The following ARHGEF3 variants were observed in gnomAD, a reference collection of about 807,000 sequenced individuals.
The protein encoded by ARHGEF3 is 59.8 kDA protein.
In ARHGEF3, 28 loss-of-function variants were observed where a neutral mutation model predicts 63.2. The observed-to-expected ratio is 0.44, with a 90% confidence interval of 0.33 to 0.61. The LOEUF (loss-of-function observed/expected upper bound fraction) is 0.61. Among genes scored for constraint, ARHGEF3 ranks in the 20% least tolerant of loss-of-function variants. The probability of loss-of-function intolerance (pLI) is 0.03; values close to 1 mark genes in which losing one functional copy is unlikely to be tolerated. For synonymous variants in ARHGEF3, 266 were observed against 254.2 expected, an observed-to-expected ratio of 1.05 and a Z score of -0.44; for missense variants, 533 against 659.3, an observed-to-expected ratio of 0.81 and a Z score of 2.10.
intron 2 of ARHGEF3, among the ~76,000 whole-genome samples, chr3:56,982,901 C>A (rs898707735): frequency 6.1e-4 from 93 of 152,134 alleles, no homozygotes; most frequent in African/African-American, 2.2e-3. Flanking sequence ...CTGACCGTCA[C>A]CCACCTGCCC....
chr3:56,774,923 C>T (rs991250274), intron 1 of ARHGEF3: 1 of 1,193,766 alleles, frequency 8.4e-7, no homozygotes, highest in Non-Finnish European at 1.1e-6. Flanking sequence ...ACAACAACAA[C>T]AACAAAAAAA....
intron 1 of ARHGEF3, among the ~76,000 whole-genome samples, chr3:56,798,703 G>A (rs760357506): frequency 6.6e-6 from 1 of 152,086 alleles, no homozygotes; most frequent in Non-Finnish European, 1.5e-5. Context: ...GTCCCTTTTG[G>A]CATGGGAAGT....
chr3:56,967,271 AATAATATTATATTATATATTATACAAATT>A (rs2106799589), intron 2 of ARHGEF3, among the ~76,000 whole-genome samples: 1 of 83,334 alleles, frequency 1.2e-5, no homozygotes, highest in South Asian at 4.0e-4. Flanking sequence ...ACTTATATAT[AATAATATTATATTATATATTATACAAATT>A]ATATATTATA....
chr3:56,787,293 GC>G (rs2036864496), intron 1 of ARHGEF3, among the ~76,000 whole-genome samples: 1 of 152,166 alleles, frequency 6.6e-6, no homozygotes, highest in African/African-American at 2.4e-5. Context: ...GCAGGACTGT[GC>G]AGAGGGCCAC....
At chr3:56,834,350 T>A (rs2039033502) in intron 4 of ARHGEF3, among the ~76,000 whole-genome samples, 1 of 152,150 alleles carries the variant, frequency 6.6e-6, no homozygotes, top group Non-Finnish European at 1.5e-5. Context: ...GTATCATTAT[T>A]GTAAAAGATG....
intron 2 of ARHGEF3, among the ~76,000 whole-genome samples, chr3:56,998,251 A>G (rs975782248): frequency 9.2e-5 from 14 of 152,194 alleles, no homozygotes; most frequent in African/African-American, 2.4e-5. Flanking sequence ...ACACAAAAAA[A>G]CTAACCAGGG....
At chr3:56,796,216 G>A (rs1470717138) in intron 1 of ARHGEF3, among the ~76,000 whole-genome samples, 2 of 152,116 alleles carry the variant, frequency 1.3e-5, no homozygotes, top group African/African-American at 4.8e-5. Context: ...GCAAAATTAG[G>A]TTGTGATCAG....
chr3:56,782,459 C>A (rs1379612365), intron 1 of ARHGEF3, among the ~76,000 whole-genome samples: 1 of 151,974 alleles, frequency 6.6e-6, no homozygotes, highest in African/African-American at 2.4e-5. Flanking sequence ...TCCCTGCTAT[C>A]TTTGTCTTGG....
At chr3:57,001,918 T>G (rs1169547766) in intron 2 of ARHGEF3, among the ~76,000 whole-genome samples, 2 of 61,080 alleles carry the variant, frequency 3.3e-5, no homozygotes, top group African/African-American at 1.3e-4. Flanking sequence ...TGAGATAGTT[T>G]TTTTTTTTTT....
chr3:56,952,718 T>C (rs935277352), intron 3 of ARHGEF3, among the ~76,000 whole-genome samples: 7 of 152,302 alleles, frequency 4.6e-5, no homozygotes, highest in African/African-American at 1.7e-4. Flanking sequence ...AATGAAGTTA[T>C]TGCTATTGTT....
In ARHGEF3 at chr3:56,822,106, T is replaced by A. The variant is rs564440670; in HGVS notation, c.193-48290A>T. Among the ~76,000 whole-genome samples the A allele has an allele frequency of 2.6e-5, 4 of 152,084 alleles. No individual in the cohort carries two copies. The South Asian group carries it at 8.3e-4, about 32-fold the overall frequency. The stretch of plus-strand genomic sequence containing the variant: ...GTAGTGTCATCTAAATAGTGATAAT[T>A]AGAAATAATAATAGACTAGCTACTA... On this transcript the variant is annotated intron_variant, in intron 4 of 12. Transcript: ENST00000338458.
chr3:56,849,554 A>C (rs2039602114), intron 4 of ARHGEF3, among the ~76,000 whole-genome samples: 1 of 152,158 alleles, frequency 6.6e-6, no homozygotes, highest in African/African-American at 2.4e-5. Flanking sequence ...CCACAGAGTA[A>C]AAGCTAAATG....
At chr3:56,782,745 T>A (rs1485408751) in intron 1 of ARHGEF3, among the ~76,000 whole-genome samples, 1 of 151,984 alleles carries the variant, frequency 6.6e-6, no homozygotes. Flanking sequence ...CCTGAGTTAG[T>A]TCAGTCTCAA....
intron 2 of ARHGEF3, among the ~76,000 whole-genome samples, chr3:57,026,270 G>A (rs1703470539): frequency 6.6e-6 from 1 of 152,078 alleles, no homozygotes; most frequent in Non-Finnish European, 1.5e-5. Flanking sequence ...GTGTGGTGGT[G>A]CAAGCCTGTA....
intron 3 of ARHGEF3, among the ~76,000 whole-genome samples, chr3:56,949,810 C>T (rs1024352700): frequency 6.6e-6 from 1 of 152,018 alleles, no homozygotes; most frequent in Non-Finnish European, 1.5e-5. Flanking sequence ...CAAAAAGGAG[C>T]CTGCATTGCC....
chr3:56,818,652 C>CA, intron 4 of ARHGEF3, among the ~76,000 whole-genome samples: 1 of 152,268 alleles, frequency 6.6e-6, no homozygotes, highest in East Asian at 1.9e-4. Flanking sequence ...GTCTCAAGAT[C>CA]AATTCTTTTT....
rs371468298 is a variant in ARHGEF3, at chr3:56,979,538, A to C, written c.63-20649T>G. ...CCACAGGCAGCCAGAGACAAGGCAC[A>C]GGCCCAGGAATAAAGCCGGGGTCTG... On this transcript the variant is annotated intron_variant, in intron 2 of 12. Transcript: ENST00000338458. Among the ~76,000 whole-genome samples the C allele has an allele frequency of 3.0e-4, 45 of 152,346 alleles. No homozygotes were observed. The Middle Eastern group carries it at 0.014, about 46-fold the overall frequency.
chr3:56,783,135 C>T (rs2036639117), intron 1 of ARHGEF3, among the ~76,000 whole-genome samples: 1 of 152,044 alleles, frequency 6.6e-6, no homozygotes, highest in African/African-American at 2.4e-5. Context: ...CCTCTGAAAC[C>T]ATGCTCAGAG....
chr3:56,814,153 T>C (rs1202704282), intron 4 of ARHGEF3, among the ~76,000 whole-genome samples: 1 of 152,242 alleles, frequency 6.6e-6, no homozygotes, highest in Non-Finnish European at 1.5e-5. Flanking sequence ...CAACACTCTG[T>C]CCTTCTTTCT....
Sources: gnomAD v4.1 joint callset for allele counts (sites outside exome capture counted in the v4.1 genomes callset) on GRCh38, gnomAD v4.1.1 for gene constraint, MANE v1.5 for transcripts, NCBI Gene and HGNC (gene_info 2026-07-23, HGNC 2026-07-21) for gene names.